PRKD2: variants seen among roughly 807,000 people sequenced by gnomAD.
The protein encoded by PRKD2 is serine/threonine-protein kinase D2.
PRKD2 carries 22 observed loss-of-function variants against 86.0 expected under a neutral mutation model. The observed-to-expected ratio is 0.26, with a 90% CI of 0.18 to 0.37. The LOEUF (loss-of-function observed/expected upper bound fraction) is 0.37, where lower values mean the gene tolerates loss of function less well. Ranked by LOEUF, PRKD2 falls within the 10% of genes least tolerant of loss-of-function variation. The pLI is 1.00. For synonymous variants in PRKD2, 509 were observed against 510.9 expected, an observed-to-expected ratio of 1.00 and a Z score of 0.05; for missense variants, 818 against 1,199.2, an observed-to-expected ratio of 0.68 and a Z score of 4.70.
In PRKD2 at chr19:46,701,093, G is replaced by C; in HGVS notation, c.909C>G (p.His303Gln). Residue 303 changes from histidine to glutamine, a missense_variant, in exon 6 of 18, where the codon CAC becomes CAG. His to Gln is a conservative substitution (Grantham distance 24, BLOSUM62 0). Transcript: ENST00000291281. ...TAGGGACGCGGGTGGCGCAGCGTTT[G>C]TGACAGTTAAACTTGCAGTCTGGTA... ...LQCKDCKFNC[H>Q]KRCATRVPND... The C allele has an allele frequency of 1.2e-6, 2 of 1,614,212 alleles. No homozygotes were observed. Among genetic ancestry groups the C allele is most frequent in the South Asian group, 1.1e-5 (1 of 91,090 alleles).
intron 16 of PRKD2, among the ~76,000 whole-genome samples, chr19:46,676,157 G>A (rs572418628): frequency 7.2e-5 from 11 of 152,214 alleles, no homozygotes; most frequent in South Asian, 6.2e-4. Flanking sequence ...GGCTGGGCGC[G>A]GTGGCTCATG....
intron 16 of PRKD2, 94 bp from the exon 17 acceptor site, chr19:46,675,212 C>T: frequency 9.6e-7 from 1 of 1,046,748 alleles, no homozygotes; most frequent in South Asian, 1.4e-5. Flanking sequence ...GCCATCAACA[C>T]CTTCCTTCTG....
At position 46,703,891 on chromosome 19, in the gene PRKD2, C is replaced by T. The variant is rs150680371; in HGVS notation, c.889+278G>A. On this transcript the variant is annotated intron_variant, in intron 5 of 17. Coordinates refer to ENST00000291281, the MANE Select transcript of PRKD2 (RefSeq NM_016457.5). ...CCCAGGAGGTTGAAGCTGCAGTGAG[C>T]CGTGATTGCGCCACTGCACTCCAGC... Among the ~76,000 whole-genome samples the T allele has an allele frequency of 7.4e-4, 113 of 151,790 alleles. 1 individual carries two copies. The highest frequency in any genetic ancestry group is 2.6e-3 in the African/African-American group (108 of 41,400).
At chr19:46,704,037 T>C (rs983236525) in intron 5 of PRKD2, 132 bp downstream of exon 5, 1 of 1,341,006 alleles carries the variant, frequency 7.5e-7, no homozygotes, top group African/African-American at 1.5e-5. Flanking sequence ...CCCAGAACAC[T>C]AGGATTCAGG....
At position 46,701,318 on chromosome 19, in the gene PRKD2, T is replaced by C. The variant is rs552604081; in HGVS notation, c.890-206A>G. Among the ~76,000 whole-genome samples, 17 of 151,656 alleles carry C rather than the reference T, an allele frequency of 1.1e-4. No individual in the cohort carries two copies. The South Asian group carries it at 2.7e-3, about 24-fold the overall frequency. On this transcript the variant is annotated intron_variant, in intron 5 of 17. Transcript: ENST00000291281. ...GGGGGTCTTGATTAAGTAGGAGGGC[T>C]AGACTCAAAATCCCGACGACTGCTG...
intron 3 of PRKD2, among the ~76,000 whole-genome samples, chr19:46,708,721 G>A (rs1174340558): frequency 6.6e-6 from 1 of 152,204 alleles, no homozygotes; most frequent in Non-Finnish European, 1.5e-5. Flanking sequence ...ACCAGAAACA[G>A]AACCCTGCCA....
chr19:46,713,830 G>T, intron 2 of PRKD2, 33 bp downstream of exon 2: 5 of 1,004,480 alleles, frequency 5.0e-6, no homozygotes, highest in African/African-American at 1.7e-5. Context: ...CCCCACCCGA[G>T]GCCCCGCCCC....
At chr19:46,692,130 G>A in intron 10 of PRKD2, 145 bp from the exon 11 acceptor site, 1 of 770,058 alleles carries the variant, frequency 1.3e-6, no homozygotes. Flanking sequence ...CTGGTGACTT[G>A]TCCACTACGA....
chr19:46,704,669 G>A lies in PRKD2; in HGVS notation c.512-20C>T. The stretch of plus-strand genomic sequence containing the variant: ...CGCAGCCTGCAGGGGGCGCCAGAGA[G>A]TAAGAGACATGGCGTCTGCCCCTCC... On this transcript the variant is annotated intron_variant, in intron 3 of 17. Transcript: ENST00000291281. The A allele has an allele frequency of 1.3e-6, 2 of 1,580,844 alleles. No homozygotes were observed. Among genetic ancestry groups the A allele is most frequent in the South Asian group, 2.3e-5 (2 of 86,940 alleles).
intron 3 of PRKD2, among the ~76,000 whole-genome samples, chr19:46,705,228 T>C (rs1448243627): frequency 6.6e-6 from 1 of 152,032 alleles, no homozygotes; most frequent in Non-Finnish European, 1.5e-5. Context: ...CAGTCCTCTA[T>C]GGTAAGCACC....
Position 46,678,238 on chromosome 19 carries a change from C to T in PRKD2, c.2338+158G>A. 1 of 1,178,974 alleles carries T rather than the reference C, an allele frequency of 8.5e-7. No individual in the cohort carries two copies. Among genetic ancestry groups the T allele is most frequent in the Non-Finnish European group, 1.2e-6 (1 of 852,730 alleles). The allele number at this position is 1,178,974 out of a possible 1,614,324, so 73.0% of individuals were successfully genotyped here. A position where few individuals can be genotyped will look rare whatever the true frequency, so the allele number is the denominator to read the frequency against. The stretch of plus-strand genomic sequence containing the variant: ...GCCCATCTTTTACAGGACGGCTCCT[C>T]CTGTAGCCACATCCCTCCAGTAGGC... On this transcript the variant is annotated intron_variant, in intron 16 of 17. Coordinates refer to ENST00000291281, the MANE Select transcript of PRKD2 (RefSeq NM_016457.5). This position sits in a 1 kb window ranked among gnomAD's most constrained non-coding sequence, Gnocchi z 5.7.
At chr19:46,711,622 A>T (rs2053810427) in intron 2 of PRKD2, among the ~76,000 whole-genome samples, 1 of 151,996 alleles carries the variant, frequency 6.6e-6, no homozygotes, top group African/African-American at 2.4e-5. Flanking sequence ...CAAACTCCCG[A>T]CCTCAGGTGA....
rs2053247337 is a variant in PRKD2, at chr19:46,678,565, C to G, written c.2169G>C (p.Leu723=). 6.2e-7 allele frequency: 1 copy of G among 1,614,136 alleles called. No homozygotes were observed. The highest frequency in any genetic ancestry group is 1.7e-5 in the Admixed American group (1 of 60,016). The part of the protein sequence containing the change: ...GTPAYLAPEV[L]LNQGYNRSLD... Reference sequence around the variant, plus strand: ...GCGAGCGGTTGTAGCCCTGGTTGAGCAGCACCTCGGGTGCCAGGTAGGCCG... The same window carrying G: ...GCGAGCGGTTGTAGCCCTGGTTGAGGAGCACCTCGGGTGCCAGGTAGGCCG... The change falls in exon 16 of 18, where the codon CTG becomes CTC. Residue 723 remains leucine (L), a synonymous_variant. Transcript: ENST00000291281. The surrounding 1 kb of genome is among the most constrained non-coding windows in gnomAD (Gnocchi z 5.7).
chr19:46,714,147 C>T, intron 1 of PRKD2, 146 bp from the exon 2 acceptor site: 2 of 1,365,880 alleles, frequency 1.5e-6, no homozygotes, highest in East Asian at 5.5e-5. Context: ...CCTGCCCCCT[C>T]CCAACCCCAG....
intron 17 of PRKD2, 50 bp downstream of exon 17, chr19:46,674,983 C>T: frequency 2.0e-6 from 3 of 1,508,282 alleles, no homozygotes; most frequent in Non-Finnish European, 2.7e-6. Context: ...GATCTACTCC[C>T]ACCCCTTCCT....
chr19:46,704,081 C>T, intron 5 of PRKD2, 88 bp downstream of exon 5: 1 of 1,565,488 alleles, frequency 6.4e-7, no homozygotes, highest in Non-Finnish European at 8.6e-7. Flanking sequence ...GGTCCCAAGG[C>T]TCAGATCCTT....
chr19:46,677,713 A>G (rs1220945099), intron 16 of PRKD2, among the ~76,000 whole-genome samples: 2 of 152,070 alleles, frequency 1.3e-5, no homozygotes, highest in Non-Finnish European at 2.9e-5. Flanking sequence ...AAGCCCCAGA[A>G]TGCAGAGTGC....
At chr19:46,684,380 G>A (rs369421904) in intron 14 of PRKD2, among the ~76,000 whole-genome samples, 37 of 152,212 alleles carry the variant, frequency 2.4e-4, no homozygotes, top group South Asian at 1.0e-3. Flanking sequence ...GGAGTGCAAC[G>A]GCATGACCTC....
Position 46,710,982 on chromosome 19 carries a change from A to G in PRKD2, c.436T>C (p.Tyr146His). 1 of 1,578,552 alleles carries G rather than the reference A, an allele frequency of 6.3e-7. No individual in the cohort carries two copies. Among genetic ancestry groups the G allele is most frequent in the South Asian group, 1.2e-5 (1 of 86,106 alleles). Reference protein sequence around the residue: ...IRPHALTVHSYRAPAFCDHCG... With the variant: ...IRPHALTVHSHRAPAFCDHCG... ...TGATCACAGAAGGCAGGCGCCCGAT[A>G]GGAGTGCACCGTGAGGGCGTGCGGG... The change falls in exon 3 of 18, where the codon TAT (tyrosine) becomes CAT (histidine). Residue 146 changes from tyrosine (Y) to histidine (H), a missense_variant. Physicochemically the swap from Tyr to His is moderately conservative, Grantham distance 83. This residue lies in a region of PRKD2 where 403 missense variants were observed against 518.6 expected (regional missense o/e 0.78). Transcript: ENST00000291281.
Sources: gnomAD v4.1 joint callset for allele counts (sites outside exome capture counted in the v4.1 genomes callset) on GRCh38, gnomAD v4.1.1 for gene constraint, gnomAD v4.1.1 regional missense constraint, Gnocchi (gnomAD v3.1) non-coding constraint, MANE v1.5 for transcripts, NCBI Gene and HGNC (gene_info 2026-07-23, HGNC 2026-07-21) for gene names.